The following DYNC1LI2 variants were observed in gnomAD, a reference collection of about 807,000 sequenced individuals.
DYNC1LI2 encodes cytoplasmic dynein 1 light intermediate chain 2.
Under a neutral mutation model 57.8 loss-of-function variants are expected in DYNC1LI2, and 19 were observed. The observed-to-expected ratio is 0.33, with a 90% confidence interval of 0.23 to 0.48. DYNC1LI2 has a LOEUF of 0.48. DYNC1LI2 is among the 20% of genes least tolerant of loss of function. DYNC1LI2 has a pLI of 0.99. For synonymous variants in DYNC1LI2, 256 were observed against 233.4 expected, an observed-to-expected ratio of 1.10 and a Z score of -0.88; for missense variants, 470 against 604.2, an observed-to-expected ratio of 0.78 and a Z score of 2.33.
chr16:66,729,155 T>A (rs2017589320), intron 8 of DYNC1LI2, 56 bp from the exon 9 acceptor site: 6 of 1,594,914 alleles, frequency 3.8e-6, no homozygotes, highest in Non-Finnish European at 5.2e-6. Flanking sequence ...CTAACCACTG[T>A]CAAACTTCAT....
chr16:66,741,067 G>A (rs917233848), intron 4 of DYNC1LI2, among the ~76,000 whole-genome samples: 1 of 150,098 alleles, frequency 6.7e-6, no homozygotes, highest in Non-Finnish European at 1.5e-5. Flanking sequence ...CTAGAACCTG[G>A]TACCTGGTAC....
At chr16:66,734,980 A>G (rs1453685938) in intron 5 of DYNC1LI2, among the ~76,000 whole-genome samples, 1 of 128,504 alleles carries the variant, frequency 7.8e-6, no homozygotes, top group Non-Finnish European at 1.6e-5. Context: ...CTGGGCAACA[A>G]GAGTGAAACT....
At chr16:66,749,436 C>A in intron 2 of DYNC1LI2, 123 bp from the exon 3 acceptor site, 1 of 962,966 alleles carries the variant, frequency 1.0e-6, no homozygotes, top group Non-Finnish European at 1.6e-6. Flanking sequence ...TGAAGTCTCA[C>A]CTGCTTTCAT....
chr16:66,725,773 T>G (rs536917080), intron 12 of DYNC1LI2, 55 bp downstream of exon 12: 23 of 1,561,002 alleles, frequency 1.5e-5, no homozygotes, highest in Non-Finnish European at 2.0e-5. Context: ...TGCCTCTCCA[T>G]CCTTGCAGCA....
chr16:66,737,472 CAG>C (rs1469001056), intron 4 of DYNC1LI2, among the ~76,000 whole-genome samples: 1 of 122,692 alleles, frequency 8.2e-6, no homozygotes, highest in East Asian at 2.4e-4. Context: ...TGCAGTAAGA[CAG>C]AGCGAGACTC....
At chr16:66,734,997 CAAAAAAAAAAA>C (rs377398071) in intron 5 of DYNC1LI2, among the ~76,000 whole-genome samples, 4 of 38,572 alleles carry the variant, frequency 1.0e-4, no homozygotes, top group South Asian at 1.6e-3. Context: ...AACTCCGTCT[CAAAAAAAAAAA>C]AAAAAAAAAA....
At chr16:66,743,003 A>T (rs1422944228) in intron 3 of DYNC1LI2, among the ~76,000 whole-genome samples, 1 of 152,088 alleles carries the variant, frequency 6.6e-6, no homozygotes, top group African/African-American at 2.4e-5. Flanking sequence ...TACTAAAAGT[A>T]CAAAACAAAT....
intron 4 of DYNC1LI2, among the ~76,000 whole-genome samples, chr16:66,737,056 T>G (rs1307667739): frequency 6.6e-6 from 1 of 152,162 alleles, no homozygotes; most frequent in Non-Finnish European, 1.5e-5. Context: ...GTGGTTCACC[T>G]GAGGTCAGGA....
rs2017480882 is a variant in DYNC1LI2, at chr16:66,723,349, T to C, written c.*373A>G. ...CCAAGAACAAGTGAATTTACTAACA[T>C]GAAACTGGTCAGACTAACCATCATC... On this transcript the variant is annotated 3_prime_UTR_variant, in exon 13 of 13. Coordinates refer to ENST00000258198, the MANE Select transcript of DYNC1LI2 (RefSeq NM_006141.3). The C allele has an allele frequency of 2.2e-6, 1 of 462,452 alleles. No homozygotes were observed. The highest frequency in any genetic ancestry group is 2.3e-5 in the Admixed American group (1 of 42,730). 28.6% of individuals were successfully genotyped at this position (462,452 alleles called of 1,614,324 possible).
At chr16:66,733,096 T>C (rs1041495434) in intron 6 of DYNC1LI2, 1 of 152,110 alleles carries the variant, frequency 6.6e-6, no homozygotes, top group African/African-American at 2.4e-5. Context: ...GCACAAAACA[T>C]AAACATATGG....
intron 5 of DYNC1LI2, among the ~76,000 whole-genome samples, chr16:66,734,916 G>T (rs111827614): frequency 0.017 from 2,222 of 132,032 alleles, 54 homozygotes; most frequent in South Asian, 0.11. Context: ...AGAATCGCTT[G>T]AACTGGGAAG....
chr16:66,750,391 T>C (rs1210001943), intron 2 of DYNC1LI2, among the ~76,000 whole-genome samples: 1 of 152,172 alleles, frequency 6.6e-6, no homozygotes, highest in East Asian at 1.9e-4. Context: ...GCACTAACTC[T>C]TCAGCCTTCC....
At chr16:66,728,924 C>T (rs548785549) in intron 9 of DYNC1LI2, 116 bp downstream of exon 9, 21 of 1,070,980 alleles carry the variant, frequency 2.0e-5, no homozygotes, top group East Asian at 1.7e-4. Context: ...GTCTCAACCC[C>T]TCTACCACTG....
At position 66,736,136 on chromosome 16, in the gene DYNC1LI2, G is replaced by A; in HGVS notation, c.638C>T (p.Pro213Leu). 1 of 1,614,106 alleles carries A rather than the reference G, an allele frequency of 6.2e-7. No individual in the cohort carries two copies. The highest frequency in any genetic ancestry group is 1.6e-4 in the Middle Eastern group (1 of 6,062). ...ATGAGTCAGCACATTGTCACCCAGAGGCAGGGCAACATTTTCTTCATCGGA... is the reference window on the plus strand; with the variant it reads ...ATGAGTCAGCACATTGTCACCCAGAAGCAGGGCAACATTTTCTTCATCGGA... Reference protein sequence around the residue: ...SGSDEENVALPLGDNVLTHNL... With the variant: ...SGSDEENVALLLGDNVLTHNL... Residue 213 changes from proline (P) to leucine (L), a missense_variant, in exon 5 of 13, where the codon CCT becomes CTT. Physicochemically the swap from Pro to Leu is moderately conservative, Grantham distance 98 (BLOSUM62 -3). Coordinates refer to ENST00000258198, the MANE Select transcript of DYNC1LI2 (RefSeq NM_006141.3).
intron 6 of DYNC1LI2, chr16:66,733,974 A>T (rs1236462223): frequency 9.2e-6 from 4 of 435,580 alleles, no homozygotes; most frequent in Non-Finnish European, 1.7e-5. Flanking sequence ...TAGCCTGGCC[A>T]AAGTGGTGAA....
chr16:66,735,084 T>A (rs2144984957), intron 5 of DYNC1LI2, among the ~76,000 whole-genome samples: 1 of 148,814 alleles, frequency 6.7e-6, no homozygotes, highest in South Asian at 2.1e-4. Flanking sequence ...TATTTCTCTA[T>A]GACTGAACTT....
At chr16:66,738,418 T>G (rs972805897) in intron 4 of DYNC1LI2, 3 of 151,718 alleles carry the variant, frequency 2.0e-5, no homozygotes, top group African/African-American at 7.3e-5. Flanking sequence ...CGGCTAATTT[T>G]GTTTTGTATT....
At chr16:66,725,233 C>T (rs1223049041) in intron 12 of DYNC1LI2, among the ~76,000 whole-genome samples, 2 of 150,034 alleles carry the variant, frequency 1.3e-5, no homozygotes, top group African/African-American at 4.9e-5. Flanking sequence ...AATCCCAGCA[C>T]TTTGGGAGGC....
intron 6 of DYNC1LI2, chr16:66,733,973 CA>C (rs1799966021): frequency 2.3e-6 from 1 of 430,882 alleles, no homozygotes; most frequent in South Asian, 2.9e-5. Flanking sequence ...CTAGCCTGGC[CA>C]AAGTGGTGAA....
Sources: gnomAD v4.1 joint callset for allele counts (sites outside exome capture counted in the v4.1 genomes callset) on GRCh38, gnomAD v4.1.1 for gene constraint, MANE v1.5 for transcripts, NCBI Gene and HGNC (gene_info 2026-07-23, HGNC 2026-07-21) for gene names.